LIMCH1: variants seen among roughly 807,000 people sequenced by gnomAD.
LIMCH1 encodes LIM and calponin homology domains 1.
In LIMCH1, 113 loss-of-function variants were observed where a neutral mutation model predicts 176.5. The observed-to-expected ratio is 0.64, with a 90% confidence interval of 0.55 to 0.75. The LOEUF is 0.75. Ranked by LOEUF, LIMCH1 falls within the 30% of genes least tolerant of loss-of-function variation. The probability of loss-of-function intolerance (pLI) is 0.00; values close to 1 mark genes in which losing one functional copy is unlikely to be tolerated. For synonymous variants in LIMCH1, 619 were observed against 645.9 expected (o/e 0.96, Z 0.63); for missense variants, 1,674 against 1,814.9 (o/e 0.92, Z 1.41).
At chr4:41,532,422 A>C (rs1186112182) in intron 3 of LIMCH1, among the ~76,000 whole-genome samples, 1 of 152,208 alleles carries the variant, frequency 6.6e-6, no homozygotes, top group Non-Finnish European at 1.5e-5. Context: ...AAACGTATTT[A>C]AGGCTCTTCC....
intron 1 of LIMCH1, among the ~76,000 whole-genome samples, chr4:41,539,833 A>G (rs1344001659): frequency 2.0e-5 from 3 of 152,264 alleles, no homozygotes; most frequent in African/African-American, 7.2e-5. Flanking sequence ...TCTGGGAGCT[A>G]TAACAAATGG....
chr4:41,530,078 C>G (rs955635714), intron 3 of LIMCH1, among the ~76,000 whole-genome samples: 7 of 152,164 alleles, frequency 4.6e-5, no homozygotes, highest in African/African-American at 1.7e-4. Context: ...CAAAAGTTAT[C>G]TGCTTTAGTT....
At chr4:41,372,044 C>T (rs1459458422) in intron 1 of LIMCH1, among the ~76,000 whole-genome samples, 2 of 152,168 alleles carry the variant, frequency 1.3e-5, no homozygotes, top group African/African-American at 2.4e-5. Context: ...ACACAACCAG[C>T]CAGGGAGGTG....
intron 1 of LIMCH1, among the ~76,000 whole-genome samples, chr4:41,480,128 C>T (rs193020482): frequency 3.3e-5 from 5 of 152,072 alleles, no homozygotes; most frequent in Non-Finnish European, 7.4e-5. Flanking sequence ...TTCCAACCTA[C>T]AGGTTGGACT....
At chr4:41,694,852 C>T (rs1038409187) in intron 31 of LIMCH1, among the ~76,000 whole-genome samples, 1 of 152,150 alleles carries the variant, frequency 6.6e-6, no homozygotes, top group Middle Eastern at 3.4e-3. Context: ...ACTCTCCCTG[C>T]AAAATGTATG....
At position 41,361,068 on chromosome 4, in the gene LIMCH1, A is replaced by AC. The variant is rs932671217; in HGVS notation, c.96+139dup. On this transcript the variant is annotated intron_variant, in intron 1 of 26. Transcript: ENST00000313860. Reference sequence around the variant, plus strand: ...TTTCTTTTGCCAGCTGCTCCAGGTCACCCCCCCGGGCCTCGGCGAGCCGCG... The same window carrying AC: ...TTTCTTTTGCCAGCTGCTCCAGGTCACCCCCCCCGGGCCTCGGCGAGCCGCG... 1.0e-4 allele frequency: 52 copies of AC among 516,176 alleles called. 1 individual carries two copies. The highest frequency in any genetic ancestry group is 5.8e-4 in the South Asian group (21 of 35,906). 32.0% of individuals were successfully genotyped at this position (516,176 alleles called of 1,614,324 possible).
chr4:41,382,695 G>A lies in LIMCH1; in HGVS notation c.96+21759G>A, dbSNP rs534282274. ...CCTGTCTCAAAGGCTCCCTCTTCTC[G>A]AGTGTTGCTCTACTCAACCATCAAT... is the stretch of plus-strand genomic sequence containing the variant. On this transcript the variant is annotated intron_variant, in intron 1 of 26. Transcript: ENST00000313860. Among the ~76,000 whole-genome samples, 7 of 152,266 alleles carry A rather than the reference G, an allele frequency of 4.6e-5. No homozygotes were observed. The Middle Eastern group carries it at 0.014, about 296-fold the overall frequency.
At chr4:41,424,658 A>G (rs1416993679) in intron 1 of LIMCH1, among the ~76,000 whole-genome samples, 2 of 152,222 alleles carry the variant, frequency 1.3e-5, no homozygotes, top group Non-Finnish European at 2.9e-5. Flanking sequence ...AAGTCAGTTC[A>G]GGTCAGGTTT....
rs997140872 is a variant in LIMCH1 at position 41,633,016 on chromosome 4, C to T, written c.1760C>T (p.Thr587Ile). 3.9e-6 allele frequency: 6 copies of T among 1,535,970 alleles called. No individual in the cohort carries two copies. The highest frequency in any genetic ancestry group is 2.7e-5 in the African/African-American group (2 of 73,024). The change falls in exon 12 of 32, where the codon ACA becomes ATA. Residue 587 changes from threonine to isoleucine, a missense_variant. This residue lies in a region of LIMCH1 where 1,015 missense variants were observed against 1,102.5 expected (regional missense o/e 0.92). Transcript: ENST00000503057. ...KQLPQDGKEE[T>I]ESAPRDSERL... The stretch of plus-strand genomic sequence containing the variant: ...CTGCCACAGGATGGCAAAGAAGAAA[C>T]AGAAAGCGCTCCAAGAGATTCTGAG...
At chr4:41,526,944 G>T (rs1032375517) in intron 3 of LIMCH1, among the ~76,000 whole-genome samples, 3 of 152,158 alleles carry the variant, frequency 2.0e-5, no homozygotes, top group Non-Finnish European at 4.4e-5. Context: ...TCACAGTTCT[G>T]CAAACACTCT....
chr4:41,485,413 C>T (rs2069335879), intron 1 of LIMCH1, among the ~76,000 whole-genome samples: 1 of 152,138 alleles, frequency 6.6e-6, no homozygotes, highest in African/African-American at 2.4e-5. Flanking sequence ...TGTTAATCTT[C>T]GTGTCCCTCC....
chr4:41,613,682 A>G, intron 5 of LIMCH1, 21 bp downstream of exon 5: 1 of 1,599,400 alleles, frequency 6.3e-7, no homozygotes, highest in Non-Finnish European at 8.6e-7. Flanking sequence ...GTCTTAATAA[A>G]CTATCCATCT....
At chr4:41,565,929 G>A (rs1416117791) in intron 1 of LIMCH1, among the ~76,000 whole-genome samples, 1 of 152,154 alleles carries the variant, frequency 6.6e-6, no homozygotes, top group Non-Finnish European at 1.5e-5. Context: ...ACTAGGCATG[G>A]CACTAAGCTC....
At chr4:41,546,010 A>G (rs1445117118) in intron 1 of LIMCH1, among the ~76,000 whole-genome samples, 1 of 152,192 alleles carries the variant, frequency 6.6e-6, no homozygotes, top group Non-Finnish European at 1.5e-5. Context: ...TCATTCATCA[A>G]GATTTCCCAG....
At chr4:41,391,331 G>A (rs921578367) in intron 1 of LIMCH1, among the ~76,000 whole-genome samples, 2 of 152,144 alleles carry the variant, frequency 1.3e-5, no homozygotes, top group African/African-American at 4.8e-5. Flanking sequence ...TTCAAAACGT[G>A]CCACCTGGAT....
chr4:41,590,247 A>T (rs1263767321), intron 1 of LIMCH1, among the ~76,000 whole-genome samples: 1 of 152,000 alleles, frequency 6.6e-6, no homozygotes, highest in Non-Finnish European at 1.5e-5. Flanking sequence ...GCGCACCACC[A>T]GGCCCATCTA....
chr4:41,644,232 A>G (rs1226043156), intron 14 of LIMCH1, among the ~76,000 whole-genome samples: 5 of 152,224 alleles, frequency 3.3e-5, no homozygotes, highest in Non-Finnish European at 5.9e-5. Flanking sequence ...ACCTACATAT[A>G]AAATGATATT....
intron 18 of LIMCH1, among the ~76,000 whole-genome samples, chr4:41,654,097 A>G (rs2094393762): frequency 1.3e-5 from 2 of 152,218 alleles, no homozygotes; most frequent in Admixed American, 1.3e-4. Context: ...AGCCACTAGA[A>G]AAGTATATAG....
chr4:41,654,849 C>G (rs2094419256), intron 18 of LIMCH1, among the ~76,000 whole-genome samples: 1 of 152,114 alleles, frequency 6.6e-6, no homozygotes, highest in Non-Finnish European at 1.5e-5. Context: ...CCCTTTGCCC[C>G]CAATTATCCC....
Sources: allele counts gnomAD v4.1 joint callset (sites outside exome capture counted in the v4.1 genomes callset), GRCh38; gene constraint gnomAD v4.1.1; regional missense constraint gnomAD v4.1.1; transcripts MANE v1.5; gene names NCBI Gene and HGNC (gene_info 2026-07-23, HGNC 2026-07-21).